The following CLNK variants were observed in gnomAD, a reference collection of about 807,000 sequenced individuals.
CLNK encodes the protein cytokine dependent hematopoietic cell linker.
Under a neutral mutation model 68.6 loss-of-function variants are expected in CLNK, and 74 were observed. The observed-to-expected ratio is 1.08, with a 90% CI of 0.89 to 1.31. The LOEUF (loss-of-function observed/expected upper bound fraction) is 1.31. CLNK is among the 50% of genes most tolerant of loss of function. The probability of loss-of-function intolerance (pLI) is 0.00; values close to 1 mark genes in which losing one functional copy is unlikely to be tolerated. For missense variants in CLNK, 553 were observed against 515.3 expected (o/e 1.07, Z -0.71); for synonymous variants, 198 against 172.2 (o/e 1.15, Z -1.17).
chr4:10,727,914 T>C, the CLNK span, among the ~76,000 whole-genome samples: 1 of 152,204 alleles, frequency 6.6e-6, no homozygotes, highest in Non-Finnish European at 1.5e-5. Flanking sequence ...AAGATGGGGC[T>C]TAGCAATTTT....
chr4:10,540,460 C>T, intron 11 of CLNK, 34 bp downstream of exon 11: 1 of 1,509,248 alleles, frequency 6.6e-7, no homozygotes, highest in South Asian at 1.1e-5. Flanking sequence ...CACACTCTTG[C>T]TGGTCATTTC....
the CLNK span, among the ~76,000 whole-genome samples, chr4:10,707,796 C>T: frequency 6.6e-6 from 1 of 152,110 alleles, no homozygotes; most frequent in African/African-American, 2.4e-5. Flanking sequence ...TCATTCATTT[C>T]TTTATTCATT....
intron 2 of CLNK, among the ~76,000 whole-genome samples, chr4:10,652,347 A>C (rs1047210809): frequency 1.2e-4 from 15 of 126,054 alleles, no homozygotes; most frequent in Non-Finnish European, 4.7e-5. Flanking sequence ...GCGCCACTTC[A>C]CTCCAGCCTG....
chr4:10,550,844 C>T (rs1719418824), intron 8 of CLNK, among the ~76,000 whole-genome samples: 1 of 152,172 alleles, frequency 6.6e-6, no homozygotes. Flanking sequence ...TTCTCTTTGG[C>T]AAATCAGAAC....
the CLNK span, among the ~76,000 whole-genome samples, chr4:10,730,517 G>A: frequency 1.1e-4 from 17 of 152,024 alleles, no homozygotes; most frequent in Non-Finnish European, 4.4e-5. Flanking sequence ...ACATTTCTGG[G>A]TGGCTCCAAA....
intron 18 of CLNK, among the ~76,000 whole-genome samples, chr4:10,499,910 C>A (rs990877790): frequency 2.6e-5 from 4 of 152,132 alleles, no homozygotes; most frequent in African/African-American, 9.7e-5. Flanking sequence ...ATCCCAATAA[C>A]CTTGTTTAAC....
the CLNK span, among the ~76,000 whole-genome samples, chr4:10,700,316 T>C: frequency 6.6e-6 from 1 of 152,216 alleles, no homozygotes; most frequent in Admixed American, 6.5e-5. Context: ...AAGGTCATTG[T>C]GGTTACAACA....
chr4:10,629,846 C>G (rs931180640), intron 2 of CLNK, among the ~76,000 whole-genome samples: 5 of 152,294 alleles, frequency 3.3e-5, no homozygotes, highest in African/African-American at 1.2e-4. Flanking sequence ...GCCACAGTCT[C>G]TCTCAAGTTT....
intron 14 of CLNK, among the ~76,000 whole-genome samples, chr4:10,523,788 G>A (rs1178333056): frequency 6.6e-6 from 1 of 152,160 alleles, no homozygotes; most frequent in African/African-American, 2.4e-5. Flanking sequence ...ACATTTGGGG[G>A]CCAAGGTGGG....
rs1296386321 is a variant in CLNK, at chr4:10,488,340, G to C, written c.*2127C>G. 1 of 152,168 alleles carries C rather than the reference G, an allele frequency of 6.6e-6. No homozygotes were observed. The highest frequency in any genetic ancestry group is 1.5e-5 in the Non-Finnish European group (1 of 68,040). 9.4% of individuals were successfully genotyped at this position (152,168 alleles called of 1,614,324 possible). On this transcript the variant is annotated 3_prime_UTR_variant, in exon 19 of 19. Transcript: ENST00000226951. ...TGAGAACATAGCATTGAATGGCATG[G>C]CCTCAATGAATCAGTGAGTTGGAGG...
the CLNK span, among the ~76,000 whole-genome samples, chr4:10,723,076 A>G: frequency 6.6e-6 from 1 of 151,980 alleles, no homozygotes; most frequent in Admixed American, 6.6e-5. Flanking sequence ...GACATTTCCT[A>G]TTGGTTACTT....
intron 12 of CLNK, among the ~76,000 whole-genome samples, 196 bp downstream of exon 12, chr4:10,532,060 C>T (rs1258681597): frequency 6.6e-6 from 1 of 152,172 alleles, no homozygotes; most frequent in African/African-American, 2.4e-5. Flanking sequence ...CAAACAGGAT[C>T]TTGGTTTAAA....
chr4:10,494,827 T>A (rs1012111718), intron 18 of CLNK, among the ~76,000 whole-genome samples: 1 of 152,200 alleles, frequency 6.6e-6, no homozygotes, highest in African/African-American at 2.4e-5. Context: ...AGAGACTTTT[T>A]AAAAAGATTA....
chr4:10,610,771 A>AACACACAC (rs59809551), intron 2 of CLNK, among the ~76,000 whole-genome samples: 4 of 144,504 alleles, frequency 2.8e-5, no homozygotes, highest in African/African-American at 1.0e-4. Flanking sequence ...ATAAAAAAGC[A>AACACACAC]ACACACACAC....
intron 2 of CLNK, among the ~76,000 whole-genome samples, chr4:10,661,144 G>T (rs765865669): frequency 6.6e-6 from 1 of 152,150 alleles, no homozygotes; most frequent in Middle Eastern, 3.2e-3. Flanking sequence ...TGCCCCTGGA[G>T]GTCGAAAGCA....
chr4:10,566,127 C>T lies in CLNK; in HGVS notation c.174G>A (p.Leu58=), dbSNP rs375590436. Residue 58 remains leucine, a synonymous_variant, in exon 6 of 19, where the codon CTG becomes CTA. Coordinates refer to ENST00000226951, the MANE Select transcript of CLNK (RefSeq NM_052964.4). ...CATCACTGTGGCCTTTTGCTCCATC[C>T]AGGACTGCAGCAAAGTTTCTTTCCT... is the stretch of plus-strand genomic sequence containing the variant. ...LDWERNFAAV[L]DGAKGHSDDD... is the part of the protein sequence containing the mutation. 5.6e-6 allele frequency: 9 copies of T among 1,613,644 alleles called. No homozygotes were observed. The highest frequency in any genetic ancestry group is 4.0e-5 in the African/African-American group (3 of 74,880).
chr4:10,631,221 C>T (rs1722878414), intron 2 of CLNK, among the ~76,000 whole-genome samples: 1 of 152,072 alleles, frequency 6.6e-6, no homozygotes, highest in African/African-American at 2.4e-5. Context: ...TGACTGCTGC[C>T]CAGAGCATAT....
the CLNK span, among the ~76,000 whole-genome samples, chr4:10,730,397 A>T: frequency 1.3e-5 from 2 of 152,122 alleles, no homozygotes; most frequent in South Asian, 4.1e-4. Flanking sequence ...CCTCCAAAAT[A>T]TATCTGAAAA....
chr4:10,612,121 C>G (rs923798609), intron 2 of CLNK, among the ~76,000 whole-genome samples: 1 of 152,228 alleles, frequency 6.6e-6, no homozygotes, highest in Non-Finnish European at 1.5e-5. Context: ...TCATTTGATC[C>G]TCTCAGTAAC....
Sources: gnomAD v4.1 joint callset for allele counts (sites outside exome capture counted in the v4.1 genomes callset) on GRCh38, gnomAD v4.1.1 for gene constraint, MANE v1.5 for transcripts, NCBI Gene and HGNC (gene_info 2026-07-23, HGNC 2026-07-21) for gene names.